LPL: variants seen among roughly 807,000 people sequenced by gnomAD.
LPL encodes the protein lipoprotein lipase.
Under a neutral mutation model 52.2 loss-of-function variants are expected in LPL, and 43 were observed. The ratio of observed to expected loss-of-function variants is 0.82; its 90% confidence interval spans 0.64 to 1.06. The LOEUF (loss-of-function observed/expected upper bound fraction) is 1.06, where lower values mean the gene tolerates loss of function less well. LPL is among the 50% of genes least tolerant of loss of function. The pLI, the probability that LPL is intolerant of heterozygous loss-of-function variation, is 0.00. For synonymous variants in LPL, 244 were observed against 215.6 expected, an observed-to-expected ratio of 1.13 and a Z score of -1.15; for missense variants, 639 against 585.3, an observed-to-expected ratio of 1.09 and a Z score of -0.95.
intron 1 of LPL, among the ~76,000 whole-genome samples, chr8:19,940,654 T>C (rs778750772): frequency 9.2e-5 from 14 of 152,230 alleles, no homozygotes; most frequent in Non-Finnish European, 1.8e-4. Flanking sequence ...GAATTGCAAT[T>C]AGGGCGGTGT....
intron 1 of LPL, chr8:19,946,703 G>C (rs1371213870): frequency 6.3e-6 from 1 of 158,394 alleles, no homozygotes; most frequent in Admixed American, 6.5e-5. Context: ...AAATAGGTGG[G>C]TGTTATGGGT....
intron 1 of LPL, among the ~76,000 whole-genome samples, chr8:19,942,438 A>G (rs534481446): frequency 6.6e-6 from 1 of 152,308 alleles, no homozygotes; most frequent in Admixed American, 6.5e-5. Flanking sequence ...GGATGAAGAG[A>G]CCATTTGGAT....
At chr8:19,941,153 GA>G (rs1210816979) in intron 1 of LPL, among the ~76,000 whole-genome samples, 2 of 152,102 alleles carry the variant, frequency 1.3e-5, no homozygotes, top group Non-Finnish European at 2.9e-5. Flanking sequence ...AATTGGATAA[GA>G]AAAAAAGTAT....
chr8:19,939,623 C>G lies in LPL; in HGVS notation c.88+95C>G. On this transcript the variant is annotated intron_variant, in intron 1 of 9. Coordinates refer to ENST00000650287, the MANE Select transcript of LPL (RefSeq NM_000237.3). The surrounding 1 kb of genome is among the most constrained non-coding windows in gnomAD (Gnocchi z 4.0). ...ATGAGAAGAAGGAAGTTGGAAGGGG[C>G]GGTGGATGCGCCCAGGGACTCTCCC... 28 of 1,286,768 alleles carry G rather than the reference C, an allele frequency of 2.2e-5. 1 individual carries two copies. Among genetic ancestry groups the G allele is most frequent in the Non-Finnish European group, 3.0e-5 (28 of 921,046 alleles). The allele number at this position is 1,286,768 out of a possible 1,614,324, so 79.7% of individuals were successfully genotyped here.
chr8:19,954,019 T>G, intron 4 of LPL, 101 bp from the exon 5 acceptor site: 1 of 833,114 alleles, frequency 1.2e-6, no homozygotes, highest in Non-Finnish European at 2.1e-6. Context: ...CTAATAAGAA[T>G]CTAAATAGCT....
At chr8:19,940,124 G>C (rs559903393) in intron 1 of LPL, among the ~76,000 whole-genome samples, 1 of 152,314 alleles carries the variant, frequency 6.6e-6, no homozygotes, top group South Asian at 2.1e-4. Flanking sequence ...AGTGGGTGTC[G>C]GGGTGGAGAA....
At chr8:19,954,090 A>G (rs1300159095) in intron 4 of LPL, 30 bp from the exon 5 acceptor site, 2 of 1,509,948 alleles carry the variant, frequency 1.3e-6, no homozygotes, top group Non-Finnish European at 1.8e-6. Flanking sequence ...AAATTTACAA[A>G]TCTGTGTTCC....
rs1474778814 is a variant in LPL, at chr8:19,954,280, G to A, written c.702G>A (p.Pro234=). The part of the protein sequence containing the change: ...QKPVGHVDIY[P]NGGTFQPGCN... ...CAGTTGGGCATGTTGACATTTACCCGAATGGAGGTACTTTTCAGCCAGGAT... is the reference window on the plus strand; with the variant it reads ...CAGTTGGGCATGTTGACATTTACCCAAATGGAGGTACTTTTCAGCCAGGAT... Residue 234 remains proline (P), a synonymous_variant, in exon 5 of 10, where the codon CCG becomes CCA. Transcript: ENST00000650287. The A allele has an allele frequency of 7.4e-6, 12 of 1,614,188 alleles. No homozygotes were observed. Among genetic ancestry groups the A allele is most frequent in the Middle Eastern group, 1.6e-4 (1 of 6,062 alleles).
At position 19,948,315 on chromosome 8, in the gene LPL, C is replaced by G. The variant is rs1457263747; in HGVS notation, c.224C>G (p.Thr75Ser). The G allele has an allele frequency of 6.2e-7, 1 of 1,613,956 alleles. No homozygotes were observed. The highest frequency in any genetic ancestry group is 8.5e-7 in the Non-Finnish European group (1 of 1,179,992). Residue 75 changes from threonine (T) to serine (S), a missense_variant, in exon 2 of 10, where the codon ACC (threonine) becomes AGC (serine). By Grantham distance (58) the Thr-to-Ser change is moderately conservative. Transcript: ENST00000650287. ...TGTCATTTCAATCACAGCAGCAAAA[C>G]CTTCATGGTGATCCATGGCTGGACG... is the stretch of plus-strand genomic sequence containing the variant. ...ATCHFNHSSK[T>S]FMVIHGWTVT...
chr8:19,958,393 C>T (rs1331720542), intron 6 of LPL, among the ~76,000 whole-genome samples: 1 of 152,002 alleles, frequency 6.6e-6, no homozygotes, highest in Non-Finnish European at 1.5e-5. Flanking sequence ...TAACCTCTCC[C>T]CAGGCCCATT....
rs1207169310 is a variant in LPL, at chr8:19,954,340, G to C, written c.762G>C (p.Glu254Asp). 1 of 1,613,922 alleles carries C rather than the reference G, an allele frequency of 6.2e-7. No homozygotes were observed. The highest frequency in any genetic ancestry group is 1.3e-5 in the African/African-American group (1 of 75,040). ...GAGAAGCTATCCGCGTGATTGCAGAGAGAGGACTTGGAGGTAAATATTATT... is the reference window on the plus strand; with the variant it reads ...GAGAAGCTATCCGCGTGATTGCAGACAGAGGACTTGGAGGTAAATATTATT... ...NIGEAIRVIA[E>D]RGLGDVDQLV... Residue 254 changes from glutamate (E) to aspartate (D), a missense_variant, in exon 5 of 10, where the codon GAG becomes GAC. By Grantham distance (45) the Glu-to-Asp change is conservative. Coordinates refer to ENST00000650287, the MANE Select transcript of LPL (RefSeq NM_000237.3).
At chr8:19,946,248 G>T (rs761351278) in intron 1 of LPL, among the ~76,000 whole-genome samples, 3 of 152,050 alleles carry the variant, frequency 2.0e-5, no homozygotes, top group Non-Finnish European at 4.4e-5. Flanking sequence ...AGTGATCTTG[G>T]AGTGTTTACC....
chr8:19,960,854 G>A (rs1416028078), intron 7 of LPL, 47 bp from the exon 8 acceptor site: 1 of 1,408,636 alleles, frequency 7.1e-7, no homozygotes, highest in Non-Finnish European at 1.0e-6. Context: ...GGGGGGCAGG[G>A]AGAGCTGATC....
Position 19,954,188 on chromosome 8 carries a change from G to A in LPL, c.610G>A (p.Asp204Asn). The change falls in exon 5 of 10, where the codon GAT (aspartate) becomes AAT (asparagine). Residue 204 changes from aspartate (D) to asparagine (N), a missense_variant. Transcript: ENST00000650287. ...GAGTCGTCTTTCTCCTGATGATGCA[G>A]ATTTTGTAGACGTCTTACACACATT... is the stretch of plus-strand genomic sequence containing the variant. ...APSRLSPDDA[D>N]FVDVLHTFTR... 3 of 1,614,182 alleles carry A rather than the reference G, an allele frequency of 1.9e-6. No homozygotes were observed. Among genetic ancestry groups the A allele is most frequent in the Non-Finnish European group, 2.5e-6 (3 of 1,180,034 alleles).
rs186663324 is a variant in LPL at position 19,944,121 on chromosome 8, G to T, written c.89-4059G>T. Among the ~76,000 whole-genome samples the T allele has an allele frequency of 6.6e-6, 1 of 152,126 alleles. No individual in the cohort carries two copies. The highest frequency in any genetic ancestry group is 1.5e-5 in the Non-Finnish European group (1 of 68,030). ...GAATGGCTTGAACCCAGGAGGCATAGGTTGCAGTGAGTCACGATCGTGCCA... is the reference window on the plus strand; with the variant it reads ...GAATGGCTTGAACCCAGGAGGCATATGTTGCAGTGAGTCACGATCGTGCCA... On this transcript the variant is annotated intron_variant, in intron 1 of 9. Transcript: ENST00000650287. This position sits in a 1 kb window ranked among gnomAD's most constrained non-coding sequence, Gnocchi z 4.2.
chr8:19,959,191 G>T, intron 6 of LPL, 69 bp from the exon 7 acceptor site: 2 of 1,601,726 alleles, frequency 1.2e-6, no homozygotes, highest in African/African-American at 1.3e-5. Flanking sequence ...GTTCTGAATT[G>T]CCTGACTATT....
chr8:19,949,421 A>G (rs959903053), intron 2 of LPL, among the ~76,000 whole-genome samples: 3 of 152,234 alleles, frequency 2.0e-5, no homozygotes, highest in African/African-American at 7.2e-5. Context: ...ATATTTTGTG[A>G]TAAAATCTCA....
chr8:19,945,626 T>C (rs59811201), intron 1 of LPL, among the ~76,000 whole-genome samples: 7,139 of 152,258 alleles, frequency 0.047, 355 homozygotes, highest in African/African-American at 0.13. Flanking sequence ...ATGGATTGAA[T>C]AGACTTTTTT....
intron 2 of LPL, 44 bp from the exon 3 acceptor site, chr8:19,951,725 G>T: frequency 6.2e-7 from 1 of 1,606,858 alleles, no homozygotes; most frequent in Non-Finnish European, 8.5e-7. Context: ...TCTATGACAA[G>T]TGGTAGGTGG....
Sources: allele counts gnomAD v4.1 joint callset (sites outside exome capture counted in the v4.1 genomes callset), GRCh38; gene constraint gnomAD v4.1.1; non-coding constraint Gnocchi (gnomAD v3.1); transcripts MANE v1.5; gene names NCBI Gene and HGNC (gene_info 2026-07-23, HGNC 2026-07-21).